DLGAP2: variants seen among roughly 807,000 people sequenced by gnomAD.
The protein encoded by DLGAP2 is DLG associated protein 2.
DLGAP2 carries 26 observed loss-of-function variants against 100.3 expected under a neutral mutation model. The ratio of observed to expected loss-of-function variants is 0.26; its 90% CI spans 0.19 to 0.36. DLGAP2 has a LOEUF of 0.36. Ranked by LOEUF, DLGAP2 falls within the 10% of genes least tolerant of loss-of-function variation. DLGAP2 has a pLI of 1.00. For synonymous variants in DLGAP2, 886 were observed against 630.1 expected (o/e 1.41, Z -6.08); for missense variants, 1,858 against 1,453.2 (o/e 1.28, Z -4.53).
At chr8:786,766 A>T (rs1821878478) in intron 1 of DLGAP2, among the ~76,000 whole-genome samples, 1 of 150,414 alleles carries the variant, frequency 6.6e-6, no homozygotes, top group Non-Finnish European at 1.5e-5. Context: ...TTAAACTTTT[A>T]CAAATGGTAT....
chr8:805,821 G>C (rs541990400), intron 1 of DLGAP2, among the ~76,000 whole-genome samples: 2 of 152,306 alleles, frequency 1.3e-5, no homozygotes, highest in East Asian at 3.9e-4. Context: ...ACCGCACGCA[G>C]CCTGCGCTGT....
chr8:785,714 G>A (rs113707454), intron 1 of DLGAP2, among the ~76,000 whole-genome samples: 6 of 34,854 alleles, frequency 1.7e-4, no homozygotes, highest in East Asian at 7.7e-3. Flanking sequence ...CTCCCCTCAG[G>A]CCCCTCTGAG....
At chr8:1,118,843 A>G (rs995118782) in intron 2 of DLGAP2, among the ~76,000 whole-genome samples, 5 of 152,246 alleles carry the variant, frequency 3.3e-5, no homozygotes, top group African/African-American at 1.2e-4. Context: ...ATTTTTCAAA[A>G]TAATTTGTTT....
At chr8:1,039,822 GCA>G (rs1802265526) in intron 2 of DLGAP2, among the ~76,000 whole-genome samples, 1 of 144,138 alleles carries the variant, frequency 6.9e-6, no homozygotes, top group African/African-American at 2.6e-5. Context: ...GGCTCGGTGT[GCA>G]TGGTCGGCTC....
chr8:1,654,984 A>G (rs944810624), intron 8 of DLGAP2, among the ~76,000 whole-genome samples: 2 of 152,226 alleles, frequency 1.3e-5, no homozygotes, highest in African/African-American at 4.8e-5. Context: ...AACCTTTTCA[A>G]TGGAAACAGG....
intron 2 of DLGAP2, among the ~76,000 whole-genome samples, chr8:986,878 T>C (rs1800503332): frequency 6.6e-6 from 1 of 152,144 alleles, no homozygotes; most frequent in African/African-American, 2.4e-5. Context: ...CAGGCTGGTC[T>C]CAAACTCCTG....
intron 6 of DLGAP2, among the ~76,000 whole-genome samples, chr8:1,581,331 GAGA>G (rs1563234818): frequency 1.3e-5 from 2 of 149,010 alleles, no homozygotes; most frequent in Non-Finnish European, 3.0e-5. Flanking sequence ...ACTACCAGAA[GAGA>G]AGGATACAGA....
At chr8:1,584,116 T>G (rs1796038371) in intron 6 of DLGAP2, among the ~76,000 whole-genome samples, 1 of 152,140 alleles carries the variant, frequency 6.6e-6, no homozygotes, top group South Asian at 2.1e-4. Context: ...ATCATTGCCA[T>G]TGCGCCTTCA....
intron 2 of DLGAP2, among the ~76,000 whole-genome samples, chr8:1,044,010 G>A (rs936295910): frequency 1.3e-5 from 2 of 152,048 alleles, no homozygotes; most frequent in East Asian, 1.9e-4. Flanking sequence ...CCCAAAGGAC[G>A]GAGCACAAAC....
In DLGAP2 at chr8:1,101,689, G is replaced by A. The variant is rs548508193; in HGVS notation, c.74-157162G>A. On this transcript the variant is annotated intron_variant, in intron 2 of 14. Transcript: ENST00000637795. ...ACCCCTGAGCCGAACACGACACGAC[G>A]ATGGGAAGGTCCTCGTCACCCCGGA... Among the ~76,000 whole-genome samples the A allele has an allele frequency of 2.0e-5, 3 of 150,006 alleles. No homozygotes were observed. The East Asian group carries it at 6.0e-4, about 30-fold the overall frequency.
intron 3 of DLGAP2, among the ~76,000 whole-genome samples, chr8:1,339,873 A>T (rs1453515940): frequency 6.6e-6 from 1 of 152,162 alleles, no homozygotes; most frequent in East Asian, 1.9e-4. Context: ...TTATTTTTTT[A>T]TCTCTGGGAT....
At chr8:1,282,472 A>G (rs1458160867) in intron 3 of DLGAP2, among the ~76,000 whole-genome samples, 5 of 99,704 alleles carry the variant, frequency 5.0e-5, no homozygotes, top group South Asian at 3.9e-4. Context: ...CCATCTGGAC[A>G]TGGTGTGACC....
intron 3 of DLGAP2, among the ~76,000 whole-genome samples, chr8:1,431,003 A>C (rs1378593904): frequency 1.3e-5 from 2 of 152,232 alleles, no homozygotes; most frequent in African/African-American, 4.8e-5. Flanking sequence ...AGATGAGGCT[A>C]GCACTCATGC....
At chr8:1,690,747 A>T (rs1585067968) in intron 12 of DLGAP2, among the ~76,000 whole-genome samples, 1 of 150,528 alleles carries the variant, frequency 6.6e-6, no homozygotes, top group Non-Finnish European at 1.5e-5. Context: ...TTGATTAACC[A>T]AATAAAGTCA....
chr8:1,099,523 G>A (rs539186909), intron 2 of DLGAP2, among the ~76,000 whole-genome samples: 7 of 152,350 alleles, frequency 4.6e-5, no homozygotes, highest in Admixed American at 6.5e-5. Context: ...CCACATCCTC[G>A]CAGTGGTGTC....
chr8:1,209,995 T>A (rs1284205556), intron 2 of DLGAP2, among the ~76,000 whole-genome samples: 1 of 152,186 alleles, frequency 6.6e-6, no homozygotes, highest in Non-Finnish European at 1.5e-5. Context: ...AGTTTCATAA[T>A]CTCCAGGATT....
intron 2 of DLGAP2, among the ~76,000 whole-genome samples, chr8:1,039,925 GGT>G (rs1802272614): frequency 6.7e-6 from 1 of 148,200 alleles, no homozygotes; most frequent in African/African-American, 2.5e-5. Flanking sequence ...TGGTCAGCTC[GGT>G]GTGCATGGTC....
At chr8:1,261,523 C>T (rs974562101) in intron 3 of DLGAP2, among the ~76,000 whole-genome samples, 8 of 142,838 alleles carry the variant, frequency 5.6e-5, no homozygotes, top group African/African-American at 1.1e-4. Context: ...TGGGGAGCCC[C>T]GCATAAGTCG....
intron 8 of DLGAP2, among the ~76,000 whole-genome samples, chr8:1,663,756 A>G (rs901916456): frequency 1.3e-5 from 2 of 152,150 alleles, no homozygotes; most frequent in Admixed American, 6.5e-5. Flanking sequence ...TCATCTCAAG[A>G]TATTAAATCA....
Sources: allele counts gnomAD v4.1 joint callset (sites outside exome capture counted in the v4.1 genomes callset), GRCh38; gene constraint gnomAD v4.1.1; transcripts MANE v1.5; gene names NCBI Gene and HGNC (gene_info 2026-07-23, HGNC 2026-07-21).